Variants in HCN2 observed in about 807,000 individuals in gnomAD.
HCN2 encodes hyperpolarization activated cyclic nucleotide gated potassium and sodium channel 2, also known as potassium/sodium hyperpolarization-activated cyclic nucleotide-gated channel 2.
Under a neutral mutation model 52.3 loss-of-function variants are expected in HCN2, and 20 were observed. The ratio of observed to expected loss-of-function variants is 0.38; its 90% confidence interval spans 0.27 to 0.56. HCN2 has a LOEUF of 0.56. Ranked by LOEUF, HCN2 falls within the 20% of genes least tolerant of loss-of-function variation. The probability of loss-of-function intolerance (pLI) is 0.71; values close to 1 mark genes in which losing one functional copy is unlikely to be tolerated. For missense variants in HCN2, 981 were observed against 1,207.7 expected (o/e 0.81, Z 2.78); for synonymous variants, 694 against 537.0 (o/e 1.29, Z -4.04).
Position 600,813 on chromosome 19 carries a change from C to G in HCN2, c.633-2731C>G, listed in dbSNP as rs959738698. 2.0e-5 allele frequency among the ~76,000 whole-genome samples: 3 copies of G among 152,212 alleles called. No individual in the cohort carries two copies. The South Asian group carries it at 6.2e-4, about 31-fold the overall frequency. On this transcript the variant is annotated intron_variant, in intron 1 of 7. Transcript: ENST00000251287. ...TTCTTTTATCAGTTTTCCAATTAGC[C>G]ATTGTAAAACCTATCAATCAGTGTC... is the stretch of plus-strand genomic sequence containing the variant.
Position 590,678 on chromosome 19 carries a change from G to A in HCN2, c.632+101G>A. On this transcript the variant is annotated intron_variant, in intron 1 of 7. Coordinates refer to ENST00000251287, the MANE Select transcript of HCN2 (RefSeq NM_001194.4). This position sits in a 1 kb window ranked among gnomAD's most constrained non-coding sequence, Gnocchi z 7.2. Reference sequence around the variant, plus strand: ...CCTGGGGAGGGCGGGGCGGCGCGCCGGGCCGGTGACCTCGGGGCTCCTCGG... The same window carrying A: ...CCTGGGGAGGGCGGGGCGGCGCGCCAGGCCGGTGACCTCGGGGCTCCTCGG... The A allele has an allele frequency of 2.1e-6, 2 of 971,918 alleles. No individual in the cohort carries two copies. The highest frequency in any genetic ancestry group is 2.6e-6 in the Non-Finnish European group (2 of 755,252). The allele number at this position is 971,918 out of a possible 1,614,324, so 60.2% of individuals were successfully genotyped here.
intron 5 of HCN2, among the ~76,000 whole-genome samples, chr19:612,625 G>T (rs1232874742): frequency 6.6e-6 from 1 of 152,112 alleles, no homozygotes; most frequent in Admixed American, 6.5e-5. Context: ...ATGTTGGCCA[G>T]GCTGGTCTCG....
At position 617,066 on chromosome 19, in the gene HCN2, C is replaced by T. The variant is rs1213744467; in HGVS notation, c.*592C>T. 1.4e-5 allele frequency: 8 copies of T among 577,316 alleles called. No individual in the cohort carries two copies. The highest frequency in any genetic ancestry group is 4.7e-4 in the Middle Eastern group (1 of 2,108). 35.8% of individuals were successfully genotyped at this position (577,316 alleles called of 1,614,324 possible). On this transcript the variant is annotated 3_prime_UTR_variant, in exon 8 of 8. Coordinates refer to ENST00000251287, the MANE Select transcript of HCN2 (RefSeq NM_001194.4). The stretch of plus-strand genomic sequence containing the variant: ...CCCGCCGCCGTGATGAATGTACTGA[C>T]GAGCCGAGGCAGCAGTGCCCCCACC...
Position 613,883 on chromosome 19 carries a change from G to T in HCN2, c.1857G>T (p.Thr619=), listed in dbSNP as rs746222770. ...GCCTGCTCACCCGGGGCCGCCGCAC[G>T]GCGAGCGTGCGGGCTGACACCTACT... ...EICLLTRGRR[T]ASVRADTYCR... Residue 619 remains threonine (T), a synonymous_variant, in exon 7 of 8, where the codon ACG becomes ACT. Transcript: ENST00000251287. 7.5e-6 allele frequency: 12 copies of T among 1,592,200 alleles called. No individual in the cohort carries two copies. The highest frequency in any genetic ancestry group is 1.0e-5 in the Non-Finnish European group (12 of 1,169,730).
In HCN2 at chr19:610,379, G is replaced by A; in HGVS notation, c.1558G>A (p.Gly520Ser). The change falls in exon 5 of 8, where the codon GGC (glycine) becomes AGC (serine). Residue 520 changes from glycine to serine, a missense_variant. Physicochemically the swap from Gly to Ser is moderately conservative, Grantham distance 56. Coordinates refer to ENST00000251287, the MANE Select transcript of HCN2 (RefSeq NM_001194.4). The part of the protein sequence containing the change: ...GKMFDEDSIL[G>S]ELNGPLREEI... The stretch of plus-strand genomic sequence containing the variant: ...GATGTTTGACGAGGACAGCATCCTG[G>A]GCGAGCTCAACGGGCCCCTGCGGGA... 2 of 1,613,598 alleles carry A rather than the reference G, an allele frequency of 1.2e-6. No homozygotes were observed. The highest frequency in any genetic ancestry group is 1.7e-6 in the Non-Finnish European group (2 of 1,179,710).
chr19:598,908 TGA>T (rs1262574958), intron 1 of HCN2, among the ~76,000 whole-genome samples: 1 of 152,108 alleles, frequency 6.6e-6, no homozygotes, highest in Non-Finnish European at 1.5e-5. Flanking sequence ...GTGCCCAGCC[TGA>T]GTCAGCCCTT....
intron 4 of HCN2, among the ~76,000 whole-genome samples, chr19:608,922 CGGG>C (rs1163396106): frequency 1.3e-5 from 2 of 152,034 alleles, no homozygotes; most frequent in African/African-American, 4.8e-5. Context: ...GGAGGGGACA[CGGG>C]GGAGCTGGGA....
chr19:610,980 T>TC (rs1983611084), intron 5 of HCN2, among the ~76,000 whole-genome samples: 2 of 152,140 alleles, frequency 1.3e-5, no homozygotes, highest in Non-Finnish European at 2.9e-5. Flanking sequence ...CAGGCGCCCT[T>TC]GGCTTGCAGA....
At chr19:603,120 C>T (rs1983267672) in intron 1 of HCN2, among the ~76,000 whole-genome samples, 1 of 147,912 alleles carries the variant, frequency 6.8e-6, no homozygotes, top group Non-Finnish European at 1.5e-5. Flanking sequence ...GGGAAGGCAC[C>T]AGCTTGAGGT....
rs569376105 is a variant in HCN2, at chr19:605,279, A to C, written c.1218+57A>C. The C allele has an allele frequency of 5.8e-6, 9 of 1,558,092 alleles. 1 individual carries two copies. The Admixed American group carries it at 1.4e-4, about 24-fold the overall frequency. ...ACGCAGGCTCCCATACAGAGGGGGGACCCAGGCCCCCTTATCCCGCTTACA... is the reference window on the plus strand; with the variant it reads ...ACGCAGGCTCCCATACAGAGGGGGGCCCCAGGCCCCCTTATCCCGCTTACA... On this transcript the variant is annotated intron_variant, in intron 3 of 7. Coordinates refer to ENST00000251287, the MANE Select transcript of HCN2 (RefSeq NM_001194.4).
chr19:604,971 G>A, intron 2 of HCN2, 90 bp from the exon 3 acceptor site: 2 of 1,333,476 alleles, frequency 1.5e-6, no homozygotes, highest in South Asian at 2.8e-5. Flanking sequence ...GGGGCCAGGA[G>A]CTCCCGCAGT....
chr19:604,367 A>G (rs1186719133), intron 2 of HCN2, among the ~76,000 whole-genome samples: 1 of 134,638 alleles, frequency 7.4e-6, no homozygotes, highest in Non-Finnish European at 1.6e-5. Context: ...TGGAGCTACA[A>G]TGGTGCAGTG....
chr19:611,280 A>AC (rs1392007625), intron 5 of HCN2, among the ~76,000 whole-genome samples: 17 of 152,234 alleles, frequency 1.1e-4, no homozygotes, highest in Admixed American at 2.0e-4. Flanking sequence ...TGAAGGTCCC[A>AC]CCCTCAGGAA....
In HCN2 at chr19:603,891, G is replaced by T. The variant is rs1214137659; in HGVS notation, c.980G>T (p.Arg327Leu). ...ACGGCACGCGCCCTGCGCATCGTGC[G>T]CTTCACCAAGATCCTCAGCCTCCTG... The part of the protein sequence containing the change: ...YKTARALRIV[R>L]FTKILSLLRL... The change falls in exon 2 of 8, where the codon CGC becomes CTC. Residue 327 changes from arginine to leucine, a missense_variant. Physicochemically the swap from Arg to Leu is moderately radical, Grantham distance 102. Coordinates refer to ENST00000251287, the MANE Select transcript of HCN2 (RefSeq NM_001194.4). 1 of 1,612,106 alleles carries T rather than the reference G, an allele frequency of 6.2e-7. No homozygotes were observed. The highest frequency in any genetic ancestry group is 8.5e-7 in the Non-Finnish European group (1 of 1,179,780).
intron 1 of HCN2, among the ~76,000 whole-genome samples, chr19:596,628 C>T (rs1327468186): frequency 6.6e-6 from 1 of 152,176 alleles, no homozygotes; most frequent in African/African-American, 2.4e-5. Context: ...GGGGCCTGTC[C>T]CTGCTCAGCA....
intron 3 of HCN2, among the ~76,000 whole-genome samples, chr19:606,678 C>T (rs952684484): frequency 2.5e-4 from 38 of 150,624 alleles, no homozygotes; most frequent in Non-Finnish European, 1.0e-4. Context: ...CATGCTGAAA[C>T]CCCGTCTCTA....
chr19:610,474 A>G, intron 5 of HCN2, 69 bp downstream of exon 5: 58 of 1,450,452 alleles, frequency 4.0e-5, no homozygotes, highest in Middle Eastern at 2.3e-4. Context: ...CCTGGAGCCC[A>G]GGAGCCGGTC....
intron 1 of HCN2, among the ~76,000 whole-genome samples, chr19:600,638 C>G (rs1983173998): frequency 6.6e-6 from 1 of 152,124 alleles, no homozygotes; most frequent in Non-Finnish European, 1.5e-5. Context: ...AGCCACCACA[C>G]CCGGCCTAAT....
chr19:595,341 A>G (rs1600517210), intron 1 of HCN2, among the ~76,000 whole-genome samples: 1 of 97,920 alleles, frequency 1.0e-5, no homozygotes, highest in African/African-American at 4.2e-5. Flanking sequence ...CTCTCCTGCC[A>G]GATGCCTCCC....
Sources: gnomAD v4.1 joint callset for allele counts (sites outside exome capture counted in the v4.1 genomes callset) on GRCh38, gnomAD v4.1.1 for gene constraint, Gnocchi (gnomAD v3.1) non-coding constraint, MANE v1.5 for transcripts, NCBI Gene and HGNC (gene_info 2026-07-23, HGNC 2026-07-21) for gene names.